Variants in RAPGEF4 observed in about 807,000 individuals in gnomAD.
The protein encoded by RAPGEF4 is RAP guanine-nucleotide-exchange factor (GEF) 4.
A neutral mutation model predicts 147.9 loss-of-function variants in RAPGEF4; 66 were observed. That is an observed-to-expected ratio of 0.45 (90% CI 0.37 to 0.55). The LOEUF is 0.55. Among genes scored for constraint, RAPGEF4 ranks in the 20% least tolerant of loss-of-function variants. The pLI is 0.00. For missense variants in RAPGEF4, 1,071 were observed against 1,257.3 expected (o/e 0.85, Z 2.24); for synonymous variants, 419 against 442.7 (o/e 0.95, Z 0.67).
Position 173,027,067 on chromosome 2 carries a change from C to G in RAPGEF4, c.2380-14C>G. 6.4e-7 allele frequency: 1 copy of G among 1,566,150 alleles called. No homozygotes were observed. Among genetic ancestry groups the G allele is most frequent in the South Asian group, 1.2e-5 (1 of 83,712 alleles). On this transcript the variant is annotated splice_polypyrimidine_tract_variant and intron_variant, in intron 24 of 30. Transcript: ENST00000397081. ...AAAAAAAAATAAGCAAAATTGTTTT[C>G]CTTTATTTTCTAGCTGGAGCTAATC...
rs759824066 is a variant in RAPGEF4 at position 172,814,425 on chromosome 2, G to A, written c.444G>A (p.Glu148=). Residue 148 remains glutamate, a splice_region_variant and synonymous_variant, in exon 4 of 31, where the codon GAG becomes GAA. Coordinates refer to ENST00000397081, the MANE Select transcript of RAPGEF4 (RefSeq NM_007023.4). ...IEQKDFKALW[E]KYRQYMAGLL... is the part of the protein sequence containing the mutation. ...AGAAGGACTTCAAGGCACTATGGGA[G>A]GTGAGCCCTAAGGCTTCTTTGTCAA... is the stretch of plus-strand genomic sequence containing the variant. 1 of 1,614,068 alleles carries A rather than the reference G, an allele frequency of 6.2e-7. No individual in the cohort carries two copies. Among genetic ancestry groups the A allele is most frequent in the Non-Finnish European group, 8.5e-7 (1 of 1,179,984 alleles).
intron 6 of RAPGEF4, among the ~76,000 whole-genome samples, chr2:172,938,134 A>G (rs1686783989): frequency 6.6e-6 from 1 of 152,030 alleles, no homozygotes; most frequent in Admixed American, 6.6e-5. Context: ...TGCTACTAGG[A>G]TATCTTAAGC....
chr2:172,857,163 C>T (rs1575054994), intron 4 of RAPGEF4, among the ~76,000 whole-genome samples: 1 of 141,054 alleles, frequency 7.1e-6, no homozygotes, highest in African/African-American at 2.6e-5. Context: ...AAAATACGCG[C>T]GTGTGCGCGC....
intron 1 of RAPGEF4, among the ~76,000 whole-genome samples, chr2:172,743,612 G>T (rs996554351): frequency 6.6e-6 from 1 of 152,174 alleles, no homozygotes; most frequent in South Asian, 2.1e-4. Context: ...TGCTATAGAG[G>T]CTAGAAAAAC....
chr2:172,801,497 C>T (rs145900525), intron 3 of RAPGEF4, among the ~76,000 whole-genome samples: 3 of 152,198 alleles, frequency 2.0e-5, no homozygotes, highest in East Asian at 1.9e-4. Context: ...GGAAGAAGAG[C>T]GGGAGTGGCT....
At chr2:172,739,287 G>T (rs1000793504) in intron 1 of RAPGEF4, among the ~76,000 whole-genome samples, 1 of 151,408 alleles carries the variant, frequency 6.6e-6, no homozygotes, top group Non-Finnish European at 1.5e-5. Flanking sequence ...AAATTACATA[G>T]TTCCCACTAT....
chr2:173,039,739 A>C (rs1684515174), intron 29 of RAPGEF4, among the ~76,000 whole-genome samples: 1 of 152,222 alleles, frequency 6.6e-6, no homozygotes, highest in Admixed American at 6.5e-5. Context: ...CCCTTATTTG[A>C]AGTATTCATA....
chr2:173,004,089 T>A (rs1397718490), intron 17 of RAPGEF4, among the ~76,000 whole-genome samples: 1 of 152,210 alleles, frequency 6.6e-6, no homozygotes, highest in African/African-American at 2.4e-5. Context: ...GAAAGGTAAT[T>A]ACTAGCAGAG....
chr2:172,921,954 G>T (rs957449005), intron 5 of RAPGEF4, among the ~76,000 whole-genome samples: 2 of 152,192 alleles, frequency 1.3e-5, no homozygotes, highest in Non-Finnish European at 2.9e-5. Flanking sequence ...GAGTGTTCTG[G>T]TGCCTAAATC....
intron 4 of RAPGEF4, among the ~76,000 whole-genome samples, chr2:172,911,884 A>C (rs1021214592): frequency 1.4e-5 from 2 of 145,944 alleles, no homozygotes; most frequent in African/African-American, 5.1e-5. Flanking sequence ...CTCCCACCTC[A>C]GCCTCCCCAG....
chr2:173,006,807 C>A (rs896807882), intron 17 of RAPGEF4, among the ~76,000 whole-genome samples: 4 of 152,114 alleles, frequency 2.6e-5, no homozygotes, highest in Non-Finnish European at 1.5e-5. Flanking sequence ...TTTTAGATTT[C>A]TAAGAAAAAC....
At chr2:172,811,174 G>A (rs1377975119) in intron 3 of RAPGEF4, among the ~76,000 whole-genome samples, 5 of 152,186 alleles carry the variant, frequency 3.3e-5, no homozygotes, top group Non-Finnish European at 5.9e-5. Context: ...TAACTGCCTA[G>A]CACTCTGCCC....
At position 172,999,335 on chromosome 2, in the gene RAPGEF4, C is replaced by G. The variant is rs151274055; in HGVS notation, c.1580-1931C>G. On this transcript the variant is annotated intron_variant, in intron 16 of 30. Transcript: ENST00000397081. ...AAATCAGAAATACAAATGTGCCTCC[C>G]TCCTGTCCTGGACACTAAATAATCC... 2.0e-3 allele frequency among the ~76,000 whole-genome samples: 300 copies of G among 152,278 alleles called. 3 individuals are homozygous for G. The highest frequency in any genetic ancestry group is 0.01 in the Middle Eastern group (3 of 294).
intron 30 of RAPGEF4, among the ~76,000 whole-genome samples, chr2:173,050,602 C>T (rs1276030733): frequency 3.3e-5 from 5 of 152,148 alleles, no homozygotes; most frequent in Non-Finnish European, 7.3e-5. Context: ...TCCCCTTAGA[C>T]CAGAGGCCCT....
intron 7 of RAPGEF4, 60 bp downstream of exon 7, chr2:172,960,873 G>T: frequency 1.4e-6 from 2 of 1,381,688 alleles, no homozygotes; most frequent in Non-Finnish European, 2.0e-6. Context: ...ACCTCTGGAG[G>T]TGGTCCATAT....
rs1686321095 is a variant in RAPGEF4, at chr2:173,052,252, A to G, written c.*485A>G. The G allele has an allele frequency of 6.5e-6, 1 of 153,200 alleles. No homozygotes were observed. Among genetic ancestry groups the G allele is most frequent in the African/African-American group, 2.4e-5 (1 of 41,474 alleles). The allele number at this position is 153,200 out of a possible 1,614,324, so 9.5% of individuals were successfully genotyped here. On this transcript the variant is annotated 3_prime_UTR_variant, in exon 31 of 31. Coordinates refer to ENST00000397081, the MANE Select transcript of RAPGEF4 (RefSeq NM_007023.4). Reference sequence around the variant, plus strand: ...TATAGAAGTCCAAATTATAGGTTGTATTCTTCCATCTTCATTGTCTTACCT... The same window carrying G: ...TATAGAAGTCCAAATTATAGGTTGTGTTCTTCCATCTTCATTGTCTTACCT...
intron 15 of RAPGEF4, 29 bp from the exon 16 acceptor site, chr2:172,996,437 A>C (rs759155346): frequency 5.7e-6 from 8 of 1,399,242 alleles, no homozygotes; most frequent in Non-Finnish European, 7.7e-6. Flanking sequence ...ACTTTTGAAA[A>C]ATTAATGGCA....
chr2:173,020,123 T>C (rs1421198851), intron 22 of RAPGEF4, among the ~76,000 whole-genome samples: 4 of 152,210 alleles, frequency 2.6e-5, no homozygotes, highest in African/African-American at 4.8e-5. Flanking sequence ...GAAGAACTAA[T>C]TTTTTTAATG....
At chr2:172,893,353 CAGG>C (rs1698139027) in intron 4 of RAPGEF4, among the ~76,000 whole-genome samples, 1 of 152,188 alleles carries the variant, frequency 6.6e-6, no homozygotes, top group Admixed American at 6.5e-5. Flanking sequence ...AACTTAGAAT[CAGG>C]AGATGAAAGC....
Sources: allele counts gnomAD v4.1 joint callset (sites outside exome capture counted in the v4.1 genomes callset), GRCh38; gene constraint gnomAD v4.1.1; transcripts MANE v1.5; gene names NCBI Gene and HGNC (gene_info 2026-07-23, HGNC 2026-07-21).